Variants in PPP1R21 observed in about 807,000 individuals in gnomAD.
PPP1R21 encodes protein phosphatase 1 regulatory subunit 21.
PPP1R21 carries 85 observed loss-of-function variants against 112.8 expected under a neutral mutation model. The observed-to-expected ratio is 0.75, with a 90% CI of 0.63 to 0.90. PPP1R21 has a LOEUF of 0.90. Among genes scored for constraint, PPP1R21 ranks in the 40% least tolerant of loss-of-function variants. The pLI is 0.00. For synonymous variants in PPP1R21, 381 were observed against 322.3 expected (o/e 1.18, Z -1.95); for missense variants, 1,199 against 901.5 (o/e 1.33, Z -4.23).
At chr2:48,508,732 G>A (rs1037269735) in intron 19 of PPP1R21, among the ~76,000 whole-genome samples, 1 of 152,234 alleles carries the variant, frequency 6.6e-6, no homozygotes, top group Non-Finnish European at 1.5e-5. Flanking sequence ...GCTGAGCACA[G>A]AATAGATGTT....
At chr2:48,507,192 C>CTTTTT in intron 18 of PPP1R21, 77 bp from the exon 19 acceptor site, 7 of 1,140,804 alleles carry the variant, frequency 6.1e-6, no homozygotes, top group South Asian at 2.5e-5. Flanking sequence ...AAAATGTTGT[C>CTTTTT]TTTTTTTTTT....
At chr2:48,509,986 T>C in intron 19 of PPP1R21, 29 bp from the exon 20 acceptor site, 3 of 1,545,604 alleles carry the variant, frequency 1.9e-6, no homozygotes, top group Non-Finnish European at 2.6e-6. Flanking sequence ...GTGCTCCCTC[T>C]AGTAATGGAA....
chr2:48,442,129 G>A (rs76358441), intron 1 of PPP1R21, among the ~76,000 whole-genome samples: 2,883 of 152,298 alleles, frequency 0.019, 79 homozygotes, highest in African/African-American at 0.063. Context: ...CACAATGTTA[G>A]TGATGGCAAG....
At chr2:48,479,901 G>T (rs374358144) in intron 12 of PPP1R21, 23 bp from the exon 13 acceptor site, 1 of 1,463,620 alleles carries the variant, frequency 6.8e-7, no homozygotes, top group African/African-American at 1.4e-5. Context: ...AAAATGCTTA[G>T]ATTTGTGATT....
intron 4 of PPP1R21, among the ~76,000 whole-genome samples, chr2:48,458,828 C>T (rs1268060135): frequency 6.6e-6 from 1 of 152,238 alleles, no homozygotes; most frequent in East Asian, 1.9e-4. Flanking sequence ...CGCAGTGTCT[C>T]ATGCCTGTAA....
Position 48,440,829 on chromosome 2 carries a change from C to CGGCGGCTGCGGT in PPP1R21, c.-121_-110dup, listed in dbSNP as rs1484279328. ...GGAGGAGGCGCGGCGGCGGCGGCGG[C>CGGCGGCTGCGGT]GGCGGCTGCGGTGGCCAAGCAGGCA... On this transcript the variant is annotated 5_prime_UTR_variant, in exon 1 of 22. Coordinates refer to ENST00000294952, the MANE Select transcript of PPP1R21 (RefSeq NM_001135629.3). 4,348 of 686,352 alleles carry CGGCGGCTGCGGT rather than the reference C, an allele frequency of 6.3e-3. 18 individuals are homozygous for CGGCGGCTGCGGT. Among genetic ancestry groups the CGGCGGCTGCGGT allele is most frequent in the Non-Finnish European group, 8.8e-3 (3,528 of 401,120 alleles). 42.5% of individuals were successfully genotyped at this position (686,352 alleles called of 1,614,324 possible). A position where few individuals can be genotyped will look rare whatever the true frequency, so the allele number is the denominator to read the frequency against.
intron 1 of PPP1R21, among the ~76,000 whole-genome samples, chr2:48,442,980 G>A (rs892788761): frequency 6.6e-6 from 1 of 152,090 alleles, no homozygotes; most frequent in Non-Finnish European, 1.5e-5. Context: ...AGATTGGTGG[G>A]AAAAAAGCAG....
At position 48,461,206 on chromosome 2, in the gene PPP1R21, A is replaced by G. The variant is rs1667962066; in HGVS notation, c.668A>G (p.Asn223Ser). Residue 223 changes from asparagine to serine, a missense_variant, in exon 7 of 22, where the codon AAT (asparagine) becomes AGT (serine). Asn to Ser is a conservative substitution (Grantham distance 46). Coordinates refer to ENST00000294952, the MANE Select transcript of PPP1R21 (RefSeq NM_001135629.3). ...TTAGAGGAATCCTTATCAATCATCAATGAAAAAGTACCTTTTAATGATACA... is the reference window on the plus strand; with the variant it reads ...TTAGAGGAATCCTTATCAATCATCAGTGAAAAAGTACCTTTTAATGATACA... Reference protein sequence around the residue: ...GRLEESLSIINEKVPFNDTKY... With the variant: ...GRLEESLSIISEKVPFNDTKY... The G allele has an allele frequency of 1.9e-6, 3 of 1,582,624 alleles. No homozygotes were observed. Among genetic ancestry groups the G allele is most frequent in the East Asian group, 2.3e-5 (1 of 43,050 alleles).
chr2:48,509,598 G>C (rs182368675), intron 19 of PPP1R21, among the ~76,000 whole-genome samples: 1 of 151,854 alleles, frequency 6.6e-6, no homozygotes, highest in Admixed American at 6.6e-5. Flanking sequence ...CCAGCTACTC[G>C]GGAAGCTGAG....
Position 48,471,181 on chromosome 2 carries a change from C to G in PPP1R21, c.992C>G (p.Thr331Ser). 1 of 1,610,132 alleles carries G rather than the reference C, an allele frequency of 6.2e-7. No individual in the cohort carries two copies. Among genetic ancestry groups the G allele is most frequent in the Non-Finnish European group, 8.5e-7 (1 of 1,176,514 alleles). Reference sequence around the variant, plus strand: ...GAAAGTATCACTGAGGATACTGTGACTGTCTTGGTAATTTTCTTCCTTGTT... The same window carrying G: ...GAAAGTATCACTGAGGATACTGTGAGTGTCTTGGTAATTTTCTTCCTTGTT... ...LFESITEDTVTVLETTVKLKT... is the reference protein window; with the variant it reads ...LFESITEDTVSVLETTVKLKT... Residue 331 changes from threonine to serine, a missense_variant, in exon 10 of 22, where the codon ACT (threonine) becomes AGT (serine). Thr to Ser is a moderately conservative substitution (Grantham distance 58). Coordinates refer to ENST00000294952, the MANE Select transcript of PPP1R21 (RefSeq NM_001135629.3).
chr2:48,450,243 C>G lies in PPP1R21; in HGVS notation c.58-765C>G, dbSNP rs184427853. Among the ~76,000 whole-genome samples the G allele has an allele frequency of 3.8e-3, 580 of 152,280 alleles. 3 individuals are homozygous for G. Among genetic ancestry groups the G allele is most frequent in the Non-Finnish European group, 6.0e-3 (405 of 68,016 alleles). On this transcript the variant is annotated intron_variant, in intron 1 of 21. Coordinates refer to ENST00000294952, the MANE Select transcript of PPP1R21 (RefSeq NM_001135629.3). ...TGGCATTATGACTTTGGAGTCCAAA[C>G]TGGTAGAGTCTGAATCTCAGCATTG...
intron 13 of PPP1R21, among the ~76,000 whole-genome samples, chr2:48,481,336 T>C (rs1486389188): frequency 6.6e-6 from 1 of 152,188 alleles, no homozygotes; most frequent in Non-Finnish European, 1.5e-5. Flanking sequence ...GAATTAGCCT[T>C]GGTTTCAGAA....
In PPP1R21 at chr2:48,469,525, T is replaced by TAGAGAGAGC. The variant is rs1558457862; in HGVS notation, c.898-1561_898-1560insGAGAGAGCA. On this transcript the variant is annotated intron_variant, in intron 9 of 21. Coordinates refer to ENST00000294952, the MANE Select transcript of PPP1R21 (RefSeq NM_001135629.3). Reference sequence around the variant, plus strand: ...TATATAGAGCATATATATATATATATATATATATATAGAGCATATATATAT... The same window carrying TAGAGAGAGC: ...TATATAGAGCATATATATATATATATAGAGAGAGCATATATATATAGAGCATATATATAT... Among the ~76,000 whole-genome samples, 41 of 71,734 alleles carry TAGAGAGAGC rather than the reference T, an allele frequency of 5.7e-4. 8 individuals carry two copies. The highest frequency in any genetic ancestry group is 9.3e-4 in the Non-Finnish European group (36 of 38,596). 47.1% of individuals were successfully genotyped at this position (71,734 alleles called of 152,430 possible).
chr2:48,511,583 CA>C, intron 21 of PPP1R21, 115 bp downstream of exon 21: 4 of 1,299,766 alleles, frequency 3.1e-6, no homozygotes, highest in Admixed American at 2.2e-5. Flanking sequence ...TTGTAAGGGC[CA>C]GGGGCAGTGG....
intron 14 of PPP1R21, 144 bp downstream of exon 14, chr2:48,486,902 C>G (rs553260855): frequency 1.2e-6 from 1 of 831,476 alleles, no homozygotes; most frequent in African/African-American, 1.7e-5. Flanking sequence ...TCCTCTGCTT[C>G]CTACCCAGTA....
At chr2:48,461,309 T>A (rs1667967531) in intron 7 of PPP1R21, 77 bp downstream of exon 7, 1 of 1,404,498 alleles carries the variant, frequency 7.1e-7, no homozygotes, top group Non-Finnish European at 9.3e-7. Context: ...AAGTAATTTT[T>A]AATCTTTTGG....
intron 21 of PPP1R21, 75 bp downstream of exon 21, chr2:48,511,543 A>C (rs1370799568): frequency 6.5e-7 from 1 of 1,544,726 alleles, no homozygotes; most frequent in Admixed American, 1.8e-5. Flanking sequence ...TATGCATTTC[A>C]GGAGGAAGAG....
intron 12 of PPP1R21, among the ~76,000 whole-genome samples, chr2:48,475,594 T>G (rs1198742068): frequency 6.6e-6 from 1 of 152,152 alleles, no homozygotes; most frequent in Non-Finnish European, 1.5e-5. Context: ...ATGCCTGTAA[T>G]CCCAGCACTT....
intron 18 of PPP1R21, among the ~76,000 whole-genome samples, 162 bp downstream of exon 18, chr2:48,505,758 C>T (rs1384550445): frequency 6.6e-6 from 1 of 152,180 alleles, no homozygotes; most frequent in African/African-American, 2.4e-5. Flanking sequence ...TGTATGGATC[C>T]ATGTAGCTTT....
Sources: gnomAD v4.1 joint callset for allele counts (sites outside exome capture counted in the v4.1 genomes callset) on GRCh38, gnomAD v4.1.1 for gene constraint, MANE v1.5 for transcripts, NCBI Gene and HGNC (gene_info 2026-07-23, HGNC 2026-07-21) for gene names.